Variants in CBFA2T3 observed in about 807,000 individuals in gnomAD.
The protein encoded by CBFA2T3 is transcriptional corepressor CBFA2T3.
CBFA2T3 carries 31 observed loss-of-function variants against 58.6 expected under a neutral mutation model. The ratio of observed to expected loss-of-function variants is 0.53; its 90% CI spans 0.40 to 0.71. The LOEUF is 0.71. Among genes scored for constraint, CBFA2T3 ranks in the 30% least tolerant of loss-of-function variants. The probability of loss-of-function intolerance (pLI) is 0.00; values close to 1 mark genes in which losing one functional copy is unlikely to be tolerated. For missense variants in CBFA2T3, 1,076 were observed against 963.1 expected (o/e 1.12, Z -1.55); for synonymous variants, 531 against 421.9 (o/e 1.26, Z -3.17).
chr16:88,889,499 G>A (rs1384352993), intron 5 of CBFA2T3, among the ~76,000 whole-genome samples: 1 of 151,962 alleles, frequency 6.6e-6, no homozygotes, highest in East Asian at 1.9e-4. Flanking sequence ...GACCCTGTAA[G>A]TGCCCTGGGA....
chr16:88,900,916 C>G (rs1381727983), intron 2 of CBFA2T3, among the ~76,000 whole-genome samples: 11 of 152,252 alleles, frequency 7.2e-5, no homozygotes, highest in Admixed American at 7.2e-4. Flanking sequence ...CAAGGCCTGA[C>G]AGCTTCTTGA....
chr16:88,916,173 T>C (rs1422222101), intron 1 of CBFA2T3, among the ~76,000 whole-genome samples: 1 of 151,824 alleles, frequency 6.6e-6, no homozygotes, highest in East Asian at 1.9e-4. Context: ...CATGCGTGTA[T>C]TCATGTGTGC....
intron 3 of CBFA2T3, among the ~76,000 whole-genome samples, chr16:88,897,189 G>C (rs754396372): frequency 3.9e-5 from 6 of 152,238 alleles, no homozygotes; most frequent in South Asian, 2.1e-4. Context: ...TCACAGAGTG[G>C]ATGACAAGAG....
chr16:88,960,239 G>A (rs1268782152), intron 1 of CBFA2T3, among the ~76,000 whole-genome samples: 2 of 152,118 alleles, frequency 1.3e-5, no homozygotes, highest in Admixed American at 6.5e-5. Flanking sequence ...GGGAGGGCAG[G>A]GCACTCTTCT....
intron 1 of CBFA2T3, among the ~76,000 whole-genome samples, chr16:88,927,545 A>G (rs1971122790): frequency 6.6e-6 from 1 of 152,188 alleles, no homozygotes; most frequent in Non-Finnish European, 1.5e-5. Flanking sequence ...CCAGGGAGAC[A>G]GCGACCCTGG....
intron 1 of CBFA2T3, among the ~76,000 whole-genome samples, chr16:88,904,414 C>T (rs1445772354): frequency 1.3e-5 from 2 of 152,184 alleles, no homozygotes; most frequent in East Asian, 1.9e-4. Context: ...GGTCACACCG[C>T]GAGTGTGCTG....
chr16:88,890,374 G>C (rs1235227201), intron 5 of CBFA2T3, among the ~76,000 whole-genome samples: 1 of 152,206 alleles, frequency 6.6e-6, no homozygotes, highest in Non-Finnish European at 1.5e-5. Context: ...CATCTGGTCT[G>C]GTCTGTCCTC....
rs148518889 is a variant in CBFA2T3, at chr16:88,897,854, C to G, written c.379+224G>C. Among the ~76,000 whole-genome samples, 347 of 152,336 alleles carry G rather than the reference C, an allele frequency of 2.3e-3. 1 individual carries two copies. Among genetic ancestry groups the G allele is most frequent in the African/African-American group, 8.0e-3 (331 of 41,576 alleles). On this transcript the variant is annotated intron_variant, in intron 3 of 11. Coordinates refer to ENST00000268679, the MANE Select transcript of CBFA2T3 (RefSeq NM_005187.6). ...GAGGCTCTGCTCCTGCCTAAGGCCC[C>G]GCAGCTTGGAGCGGAGGGTCTGTGG...
intron 1 of CBFA2T3, among the ~76,000 whole-genome samples, chr16:88,925,821 G>A (rs773331937): frequency 3.9e-5 from 6 of 152,210 alleles, no homozygotes; most frequent in African/African-American, 4.8e-5. Context: ...TCCAGGCTGC[G>A]GCATAGGGAG....
intron 1 of CBFA2T3, among the ~76,000 whole-genome samples, chr16:88,902,937 A>G (rs561159822): frequency 1.3e-4 from 19 of 149,232 alleles, no homozygotes; most frequent in South Asian, 2.2e-4. Context: ...TCCTCCTGTT[A>G]ACACCTGTGG....
intron 1 of CBFA2T3, chr16:88,902,429 G>A (rs547140519): frequency 1.3e-5 from 2 of 152,260 alleles, no homozygotes; most frequent in East Asian, 1.9e-4. Context: ...AGATTCCCTC[G>A]TGGTCTGAGG....
At chr16:88,961,100 C>T (rs1159263516) in intron 1 of CBFA2T3, among the ~76,000 whole-genome samples, 1 of 152,190 alleles carries the variant, frequency 6.6e-6, no homozygotes, top group Non-Finnish European at 1.5e-5. Context: ...TGGGGCTCTG[C>T]CTTCTGTCTT....
At chr16:88,960,326 C>T (rs1972326999) in intron 1 of CBFA2T3, among the ~76,000 whole-genome samples, 1 of 152,192 alleles carries the variant, frequency 6.6e-6, no homozygotes, top group African/African-American at 2.4e-5. Context: ...ACTCACGGGG[C>T]CAGGTGCCAG....
At chr16:88,899,644 G>A (rs1041592897) in intron 2 of CBFA2T3, among the ~76,000 whole-genome samples, 9 of 152,278 alleles carry the variant, frequency 5.9e-5, no homozygotes, top group East Asian at 3.9e-4. Context: ...GCATCAGACC[G>A]GCACCTTCCA....
intron 1 of CBFA2T3, among the ~76,000 whole-genome samples, chr16:88,970,009 T>C (rs1972608976): frequency 6.6e-6 from 1 of 152,176 alleles, no homozygotes; most frequent in African/African-American, 2.4e-5. Context: ...AAAGCCACAC[T>C]TGGGGCCCTC....
At chr16:88,893,703 G>A (rs560583214) in intron 3 of CBFA2T3, among the ~76,000 whole-genome samples, 2 of 152,346 alleles carry the variant, frequency 1.3e-5, no homozygotes, top group East Asian at 3.9e-4. Flanking sequence ...GGCTGGCCCT[G>A]CTATTGGGGT....
intron 1 of CBFA2T3, among the ~76,000 whole-genome samples, chr16:88,968,082 T>C (rs1263862946): frequency 6.6e-6 from 1 of 152,342 alleles, no homozygotes; most frequent in South Asian, 2.1e-4. Context: ...GTTGGGACCA[T>C]GTGACCACAG....
chr16:88,974,202 C>A (rs1972730301), intron 1 of CBFA2T3, among the ~76,000 whole-genome samples: 1 of 152,256 alleles, frequency 6.6e-6, no homozygotes, highest in Non-Finnish European at 1.5e-5. Context: ...TCCGCCTCTT[C>A]TTCTGCAAAG....
intron 1 of CBFA2T3, among the ~76,000 whole-genome samples, chr16:88,901,983 C>A (rs1460174536): frequency 6.6e-6 from 1 of 152,208 alleles, no homozygotes; most frequent in Non-Finnish European, 1.5e-5. Context: ...TGCCCCGAGG[C>A]AGCGGTGCCT....
Sources: gnomAD v4.1 joint callset for allele counts (sites outside exome capture counted in the v4.1 genomes callset) on GRCh38, gnomAD v4.1.1 for gene constraint, MANE v1.5 for transcripts, NCBI Gene and HGNC (gene_info 2026-07-23, HGNC 2026-07-21) for gene names.